The following WWOX variants were observed in gnomAD, a reference collection of about 807,000 sequenced individuals.
WWOX encodes WW domain-containing oxidoreductase.
A neutral mutation model predicts 46.2 loss-of-function variants in WWOX; 69 were observed. The observed-to-expected ratio is 1.49, with a 90% CI of 1.23 to 1.82. WWOX has a LOEUF of 1.82. Ranked by LOEUF, WWOX falls within the 40% of genes most tolerant of loss-of-function variation. The pLI is 0.00. For synonymous variants in WWOX, 359 were observed against 202.6 expected, an observed-to-expected ratio of 1.77 and a Z score of -6.56; for missense variants, 919 against 542.6, an observed-to-expected ratio of 1.69 and a Z score of -6.89.
At chr16:79,088,417 G>A (rs1009413121) in intron 8 of WWOX, among the ~76,000 whole-genome samples, 7 of 152,186 alleles carry the variant, frequency 4.6e-5, no homozygotes, top group East Asian at 3.9e-4. Flanking sequence ...GCTGAACACC[G>A]TAGGTCTGGC....
At chr16:79,197,461 C>G (rs1247653195) in intron 8 of WWOX, among the ~76,000 whole-genome samples, 1 of 152,038 alleles carries the variant, frequency 6.6e-6, no homozygotes, top group African/African-American at 2.4e-5. Context: ...AACCCACCCC[C>G]TGCACTGCCC....
At chr16:78,628,803 C>G (rs1243339722) in intron 8 of WWOX, among the ~76,000 whole-genome samples, 1 of 152,092 alleles carries the variant, frequency 6.6e-6, no homozygotes, top group Non-Finnish European at 1.5e-5. Flanking sequence ...AATGTTGATG[C>G]CGACGACTAG....
At chr16:79,110,777 T>G (rs2049401641) in intron 8 of WWOX, 3 of 152,238 alleles carry the variant, frequency 2.0e-5, no homozygotes. Flanking sequence ...TTCTGGAGTC[T>G]GCCAGTACCC....
intron 8 of WWOX, among the ~76,000 whole-genome samples, chr16:78,680,093 G>A (rs906147994): frequency 6.6e-6 from 1 of 152,192 alleles, no homozygotes; most frequent in African/African-American, 2.4e-5. Context: ...GCCCTCACAG[G>A]CTTAGAGTGA....
At chr16:78,487,417 C>G (rs369926319) in intron 8 of WWOX, among the ~76,000 whole-genome samples, 1 of 152,124 alleles carries the variant, frequency 6.6e-6, no homozygotes, top group African/African-American at 2.4e-5. Context: ...AAGGATGAGT[C>G]CACAAGTTTG....
At chr16:78,119,165 G>T (rs2032965135) in intron 4 of WWOX, 1 of 152,246 alleles carries the variant, frequency 6.6e-6, no homozygotes, top group African/African-American at 2.4e-5. Context: ...CATAGACTGA[G>T]CAGGAAGGGC....
chr16:78,153,681 C>G (rs997284167), intron 4 of WWOX, among the ~76,000 whole-genome samples: 1 of 152,114 alleles, frequency 6.6e-6, no homozygotes, highest in South Asian at 2.1e-4. Flanking sequence ...CATTTGTCCC[C>G]AGTGTTTCAC....
intron 8 of WWOX, among the ~76,000 whole-genome samples, chr16:78,594,071 T>C (rs1315274125): frequency 6.6e-6 from 1 of 152,188 alleles, no homozygotes; most frequent in African/African-American, 2.4e-5. Context: ...ATCACGTTTA[T>C]AAAGTCTGCG....
chr16:78,374,504 G>T (rs532436114), intron 5 of WWOX, among the ~76,000 whole-genome samples: 1 of 125,032 alleles, frequency 8.0e-6, no homozygotes, highest in African/African-American at 3.1e-5. Context: ...GGTGTTTTGA[G>T]TCCTCAACTT....
chr16:78,190,417 T>G (rs1039476861), intron 5 of WWOX, among the ~76,000 whole-genome samples: 1 of 152,162 alleles, frequency 6.6e-6, no homozygotes, highest in Non-Finnish European at 1.5e-5. Context: ...GGAGCAAGTT[T>G]TGGCTGAGTT....
At chr16:79,031,034 A>G (rs2047742413) in intron 8 of WWOX, among the ~76,000 whole-genome samples, 3 of 150,288 alleles carry the variant, frequency 2.0e-5, no homozygotes, top group African/African-American at 4.9e-5. Context: ...TTGAGGCCGC[A>G]GTGAGCCGAG....
At chr16:78,770,457 TC>T (rs1311239423) in intron 8 of WWOX, among the ~76,000 whole-genome samples, 5 of 151,938 alleles carry the variant, frequency 3.3e-5, no homozygotes, top group African/African-American at 1.2e-4. Flanking sequence ...AAATCTGGGG[TC>T]CCCACGGGCC....
intron 5 of WWOX, among the ~76,000 whole-genome samples, chr16:78,194,481 G>A (rs1006413153): frequency 1.4e-4 from 21 of 151,240 alleles, no homozygotes; most frequent in African/African-American, 4.6e-4. Context: ...CCAGCTACTC[G>A]GGATGCTGAG....
rs75946815 is a variant in WWOX, at chr16:79,075,174, C to G, written c.1057-136434C>G. Among the ~76,000 whole-genome samples, 1,389 of 152,300 alleles carry G rather than the reference C, an allele frequency of 9.1e-3. 25 individuals carry two copies. The highest frequency in any genetic ancestry group is 0.03 in the African/African-American group (1,254 of 41,558). On this transcript the variant is annotated intron_variant, in intron 8 of 8. Coordinates refer to ENST00000566780, the MANE Select transcript of WWOX (RefSeq NM_016373.4). ...CTGAATTAGAATCTCTGGAAGGCAT[C>G]CTAAGAGTCTGCATTTGTATGAAGC...
At chr16:78,686,111 G>T (rs2047851365) in intron 8 of WWOX, among the ~76,000 whole-genome samples, 1 of 152,190 alleles carries the variant, frequency 6.6e-6, no homozygotes, top group Non-Finnish European at 1.5e-5. Context: ...CATACAGTCA[G>T]GACCAGATGT....
Position 78,571,609 on chromosome 16 carries a change from C to T in WWOX, c.1056+138857C>T, listed in dbSNP as rs189834426. Among the ~76,000 whole-genome samples the T allele has an allele frequency of 1.1e-3, 160 of 152,304 alleles. 1 individual carries two copies. The highest frequency in any genetic ancestry group is 3.7e-3 in the African/African-American group (155 of 41,558). ...GTTGGCTGGGTGCAGTGGCTCACAC[C>T]TGTTATCTCCGCACTTAAGGAGTCC... On this transcript the variant is annotated intron_variant, in intron 8 of 8. Transcript: ENST00000566780.
intron 8 of WWOX, among the ~76,000 whole-genome samples, chr16:78,517,038 T>A (rs189752517): frequency 0.011 from 1,627 of 152,340 alleles, 26 homozygotes; most frequent in Middle Eastern, 0.044. Context: ...ATTATTTGTT[T>A]GCTTTATATA....
In WWOX at chr16:78,417,721, T is replaced by C. The variant is rs190367802; in HGVS notation, c.606-7149T>C. ...TTCTGCTTTGATTTGAAGCAGAGTCTAATGAGTGTTACAGGTAGGCTCGGT... is the reference window on the plus strand; with the variant it reads ...TTCTGCTTTGATTTGAAGCAGAGTCCAATGAGTGTTACAGGTAGGCTCGGT... On this transcript the variant is annotated intron_variant, in intron 6 of 8. Coordinates refer to ENST00000566780, the MANE Select transcript of WWOX (RefSeq NM_016373.4). 8.3e-4 allele frequency among the ~76,000 whole-genome samples: 126 copies of C among 152,320 alleles called. 1 individual carries two copies. The highest frequency in any genetic ancestry group is 2.8e-3 in the African/African-American group (117 of 41,560).
intron 8 of WWOX, among the ~76,000 whole-genome samples, chr16:78,539,108 T>C (rs1253564230): frequency 6.6e-6 from 1 of 152,230 alleles, no homozygotes; most frequent in Non-Finnish European, 1.5e-5. Context: ...CCCTGATAAC[T>C]TGTGCCTGCC....
Sources: allele counts gnomAD v4.1 joint callset (sites outside exome capture counted in the v4.1 genomes callset), GRCh38; gene constraint gnomAD v4.1.1; transcripts MANE v1.5; gene names NCBI Gene and HGNC (gene_info 2026-07-23, HGNC 2026-07-21).